Variants in ARMC8 observed in about 807,000 individuals in gnomAD.
ARMC8 encodes the protein armadillo repeat-containing protein 8.
ARMC8 carries 20 observed loss-of-function variants against 99.3 expected under a neutral mutation model. The observed-to-expected ratio is 0.20, with a 90% CI of 0.14 to 0.29. ARMC8 has a LOEUF of 0.29. Among genes scored for constraint, ARMC8 ranks in the 10% least tolerant of loss-of-function variants. The pLI, the probability that ARMC8 is intolerant of heterozygous loss-of-function variation, is 1.00. For missense variants in ARMC8, 569 were observed against 809.5 expected, an observed-to-expected ratio of 0.70 and a Z score of 3.60; for synonymous variants, 263 against 278.3, an observed-to-expected ratio of 0.95 and a Z score of 0.55.
chr3:138,273,489 A>T (rs913340416), intron 17 of ARMC8, among the ~76,000 whole-genome samples: 8 of 152,132 alleles, frequency 5.3e-5, no homozygotes, highest in Admixed American at 4.6e-4. Flanking sequence ...CTTTCCCTTT[A>T]GAGAATTCTC....
At chr3:138,236,623 AC>A (rs926917451) in intron 7 of ARMC8, among the ~76,000 whole-genome samples, 7 of 151,990 alleles carry the variant, frequency 4.6e-5, no homozygotes, top group Non-Finnish European at 1.0e-4. Flanking sequence ...GCTTCTTCAT[AC>A]CCCAGCTACC....
chr3:138,229,981 C>T (rs908187857), intron 6 of ARMC8, among the ~76,000 whole-genome samples: 2 of 152,124 alleles, frequency 1.3e-5, no homozygotes, highest in South Asian at 4.1e-4. Flanking sequence ...TAAATGAAAC[C>T]TAAATCACCC....
intron 5 of ARMC8, 77 bp from the exon 6 acceptor site, chr3:138,228,841 C>A: frequency 2.3e-6 from 2 of 888,210 alleles, no homozygotes; most frequent in Non-Finnish European, 3.6e-6. Context: ...TGACTACCTT[C>A]TTGTGGAAAT....
At chr3:138,200,698 C>T (rs966121497) in intron 1 of ARMC8, among the ~76,000 whole-genome samples, 7 of 152,048 alleles carry the variant, frequency 4.6e-5, no homozygotes, top group African/African-American at 1.7e-4. Flanking sequence ...TGTGTCTTAG[C>T]ATACACCCTT....
intron 3 of ARMC8, 107 bp from the exon 4 acceptor site, chr3:138,223,282 C>A: frequency 1.0e-6 from 1 of 971,344 alleles, no homozygotes; most frequent in Non-Finnish European, 1.5e-6. Flanking sequence ...TTCATATAAA[C>A]TCAGCCAACC....
chr3:138,211,948 A>G (rs979070256), intron 2 of ARMC8, among the ~76,000 whole-genome samples: 6 of 152,216 alleles, frequency 3.9e-5, no homozygotes, highest in East Asian at 1.9e-4. Context: ...GAAAGGGGGA[A>G]AAAAACAGAG....
chr3:138,279,139 G>T (rs1021412247), intron 18 of ARMC8, among the ~76,000 whole-genome samples: 1 of 152,102 alleles, frequency 6.6e-6, no homozygotes, highest in Admixed American at 6.6e-5. Flanking sequence ...AATATGTCGG[G>T]TGTAGGTTTT....
chr3:138,261,479 C>T (rs964811902), intron 12 of ARMC8: 1 of 151,986 alleles, frequency 6.6e-6, no homozygotes, highest in African/African-American at 2.4e-5. Flanking sequence ...ATTTATTAGG[C>T]AATCAGAAGT....
At chr3:138,238,014 A>G (rs1190638685) in intron 9 of ARMC8, 3 of 152,726 alleles carry the variant, frequency 2.0e-5, no homozygotes, top group African/African-American at 4.8e-5. Context: ...AGGAAAAAAA[A>G]AAAACACAAA....
intron 1 of ARMC8, among the ~76,000 whole-genome samples, chr3:138,192,825 G>A (rs1294824417): frequency 1.3e-5 from 2 of 152,092 alleles, no homozygotes; most frequent in East Asian, 3.9e-4. Flanking sequence ...GTGAGCCACT[G>A]CACCTGGCCT....
intron 2 of ARMC8, among the ~76,000 whole-genome samples, chr3:138,212,573 C>G (rs113451388): frequency 0.026 from 3,996 of 152,152 alleles, 171 homozygotes; most frequent in African/African-American, 0.09. Context: ...TCCCAAAGTG[C>G]TGGGATTACA....
chr3:138,271,762 A>G (rs529359903), intron 16 of ARMC8, among the ~76,000 whole-genome samples: 2 of 146,210 alleles, frequency 1.4e-5, no homozygotes, highest in South Asian at 4.4e-4. Flanking sequence ...ACAACCACAT[A>G]TTATGTCTCT....
chr3:138,295,923 C>G lies in ARMC8; in HGVS notation c.*31C>G. ...GTGCCCCTGGGCACCTGCGAGCATCCCACCTCCTTGTTTAAGGAAGTACAG... is the reference window on the plus strand; with the variant it reads ...GTGCCCCTGGGCACCTGCGAGCATCGCACCTCCTTGTTTAAGGAAGTACAG... On this transcript the variant is annotated 3_prime_UTR_variant, in exon 22 of 22. Coordinates refer to ENST00000469044, the MANE Select transcript of ARMC8 (RefSeq NM_001363941.2). 6.2e-7 allele frequency: 1 copy of G among 1,611,010 alleles called. No individual in the cohort carries two copies. The highest frequency in any genetic ancestry group is 8.5e-7 in the Non-Finnish European group (1 of 1,178,228).
At chr3:138,228,810 C>A (rs1247291978) in intron 5 of ARMC8, 108 bp from the exon 6 acceptor site, 3 of 672,732 alleles carry the variant, frequency 4.5e-6, no homozygotes. Context: ...ACTTGATTGA[C>A]TGTCATTAAG....
chr3:138,265,049 C>T (rs2048144620), intron 14 of ARMC8, among the ~76,000 whole-genome samples: 1 of 151,960 alleles, frequency 6.6e-6, no homozygotes, highest in Non-Finnish European at 1.5e-5. Flanking sequence ...AGGTATGTGC[C>T]ACTATGCCTG....
intron 2 of ARMC8, among the ~76,000 whole-genome samples, chr3:138,212,106 CAT>C (rs1043649683): frequency 2.3e-4 from 35 of 152,136 alleles, no homozygotes; most frequent in Admixed American, 5.9e-4. Flanking sequence ...GATCACCCAA[CAT>C]TTTTTTTTCT....
intron 1 of ARMC8, among the ~76,000 whole-genome samples, chr3:138,197,642 C>T (rs1246581029): frequency 6.6e-6 from 1 of 152,174 alleles, no homozygotes; most frequent in South Asian, 2.1e-4. Flanking sequence ...GAGGATATCT[C>T]AGTCTTTGTG....
At chr3:138,215,309 C>G (rs182573426) in intron 2 of ARMC8, among the ~76,000 whole-genome samples, 2 of 151,980 alleles carry the variant, frequency 1.3e-5, no homozygotes, top group African/African-American at 4.8e-5. Context: ...CTCTGCCTCC[C>G]GGGTTCAAGT....
At chr3:138,255,255 T>G (rs1417032219) in intron 12 of ARMC8, among the ~76,000 whole-genome samples, 32 of 144,586 alleles carry the variant, frequency 2.2e-4, no homozygotes, top group African/African-American at 7.7e-4. Flanking sequence ...CAGGCTGGAG[T>G]GCAGTGGCGT....
Sources: gnomAD v4.1 joint callset for allele counts (sites outside exome capture counted in the v4.1 genomes callset) on GRCh38, gnomAD v4.1.1 for gene constraint, MANE v1.5 for transcripts, NCBI Gene and HGNC (gene_info 2026-07-23, HGNC 2026-07-21) for gene names.